Variants in DIXDC1 observed in about 807,000 individuals in gnomAD.
The protein encoded by DIXDC1 is dixin.
A neutral mutation model predicts 103.1 loss-of-function variants in DIXDC1; 64 were observed. That is an observed-to-expected ratio of 0.62 (90% CI 0.51 to 0.76). The LOEUF is 0.76. DIXDC1 is among the 30% of genes least tolerant of loss of function. The pLI, the probability that DIXDC1 is intolerant of heterozygous loss-of-function variation, is 0.00. For synonymous variants in DIXDC1, 266 were observed against 298.5 expected, an observed-to-expected ratio of 0.89 and a Z score of 1.12; for missense variants, 759 against 834.2, an observed-to-expected ratio of 0.91 and a Z score of 1.11.
chr11:111,997,710 C>CT (rs200195202), intron 17 of DIXDC1, among the ~76,000 whole-genome samples: 1,582 of 152,128 alleles, frequency 0.01, 24 homozygotes, highest in African/African-American at 0.035. Context: ...TTAGAAATTT[C>CT]TTTTTTAAGT....
chr11:111,981,302 C>G (rs1159751906), intron 6 of DIXDC1, among the ~76,000 whole-genome samples: 1 of 152,168 alleles, frequency 6.6e-6, no homozygotes, highest in African/African-American at 2.4e-5. Context: ...ACAGAAAGGA[C>G]CACAAAGAGT....
intron 17 of DIXDC1, among the ~76,000 whole-genome samples, chr11:112,004,390 G>A (rs1318181864): frequency 3.3e-5 from 5 of 151,972 alleles, no homozygotes; most frequent in East Asian, 1.9e-4. Context: ...TGACCCCTCC[G>A]TCCCTGCTCT....
Position 111,986,929 on chromosome 11 carries a change from G to A in DIXDC1, c.1062+5G>A. 1.3e-6 allele frequency: 2 copies of A among 1,568,844 alleles called. No homozygotes were observed. Among genetic ancestry groups the A allele is most frequent in the Non-Finnish European group, 1.7e-6 (2 of 1,155,292 alleles). On this transcript the variant is annotated splice_donor_5th_base_variant and intron_variant, in intron 9 of 19. Transcript: ENST00000440460. The stretch of plus-strand genomic sequence containing the variant: ...GAGGAGAATCAGGACTTAAAGGTAT[G>A]TCAAGACATGTACATTTTACCCCTT...
intron 17 of DIXDC1, among the ~76,000 whole-genome samples, chr11:111,999,644 C>G (rs1453759031): frequency 6.6e-6 from 1 of 152,118 alleles, no homozygotes; most frequent in Non-Finnish European, 1.5e-5. Flanking sequence ...GTGGGTGTAT[C>G]ACCTGAGGTT....
At chr11:111,950,439 T>TA (rs61541869) in intron 1 of DIXDC1, among the ~76,000 whole-genome samples, 67 of 9,344 alleles carry the variant, frequency 7.2e-3, no homozygotes, top group African/African-American at 9.0e-3. Flanking sequence ...TATATATATA[T>TA]TTTTTTTTTT....
intron 3 of DIXDC1, among the ~76,000 whole-genome samples, chr11:111,970,947 T>C (rs1410143360): frequency 6.6e-6 from 1 of 152,180 alleles, no homozygotes; most frequent in African/African-American, 2.4e-5. Context: ...ACTAGATCCC[T>C]GTCTATCACC....
At chr11:111,999,725 C>T (rs1279138504) in intron 17 of DIXDC1, among the ~76,000 whole-genome samples, 1 of 150,500 alleles carries the variant, frequency 6.6e-6, no homozygotes, top group Non-Finnish European at 1.5e-5. Context: ...ATTAGGTGGG[C>T]GTGATAGTGG....
intron 17 of DIXDC1, among the ~76,000 whole-genome samples, chr11:112,013,338 G>T (rs1176266490): frequency 1.8e-4 from 24 of 133,606 alleles, no homozygotes; most frequent in South Asian, 2.9e-4. Flanking sequence ...GGGGTGGGGG[G>T]GGGGAACAAA....
In DIXDC1 at chr11:111,958,746, G is replaced by A. The variant is rs1311070210; in HGVS notation, c.61-5803G>A. On this transcript the variant is annotated intron_variant, in intron 1 of 19. Transcript: ENST00000440460. The surrounding 1 kb of genome is among the most constrained non-coding windows in gnomAD (Gnocchi z 4.2). ...GCAGACCGGAGTGGGAATTTATGGT[G>A]TTTTTTCCAGGCCTACCCATGGCCA... 6.6e-6 allele frequency among the ~76,000 whole-genome samples: 1 copy of A among 152,168 alleles called. No individual in the cohort carries two copies. The highest frequency in any genetic ancestry group is 2.1e-4 in the South Asian group (1 of 4,832).
chr11:111,995,432 T>C lies in DIXDC1; in HGVS notation c.1557T>C (p.Ala519=), dbSNP rs1289313316. Residue 519 remains alanine, a synonymous_variant, in exon 16 of 20, where the codon GCT becomes GCC. Transcript: ENST00000440460. The stretch of plus-strand genomic sequence containing the variant: ...GCGACCTGCAGCTTGTTCGAGATGC[T>C]CTCCGCAGCCTGCGCAACAGCTTCA... ...GTSDLQLVRD[A]LRSLRNSFSG... 22 of 1,613,208 alleles carry C rather than the reference T, an allele frequency of 1.4e-5. 1 individual carries two copies. In the African/African-American group the frequency reaches 2.4e-4, roughly 18 times the overall value.
chr11:111,929,610 A>G (rs1004335234), intron 1 of DIXDC1, among the ~76,000 whole-genome samples: 6 of 151,028 alleles, frequency 4.0e-5, no homozygotes, highest in African/African-American at 1.5e-4. Context: ...AAAAAAGTAA[A>G]TTTTAAAATG....
In DIXDC1 at chr11:111,995,094, G is replaced by T. The variant is rs781973047; in HGVS notation, c.1513G>T (p.Val505Phe). Residue 505 changes from valine to phenylalanine, a missense_variant, in exon 15 of 20, where the codon GTC (valine) becomes TTC (phenylalanine). Physicochemically the swap from Val to Phe is conservative, Grantham distance 50. This residue lies in a region of DIXDC1 where 657 missense variants were observed against 727.5 expected (regional missense o/e 0.90). Transcript: ENST00000440460. ...LPTAGKGATS[V>F]SNRGTSDLQL... ...AACGGCAGGAAAAGGAGCTACTTCA[G>T]TCAGCAACAGAGGGGTACGTACCTG... is the stretch of plus-strand genomic sequence containing the variant. 6.2e-7 allele frequency: 1 copy of T among 1,613,664 alleles called. No individual in the cohort carries two copies. Among genetic ancestry groups the T allele is most frequent in the East Asian group, 2.2e-5 (1 of 44,888 alleles).
chr11:111,952,893 G>A (rs1480354440), intron 1 of DIXDC1, among the ~76,000 whole-genome samples: 1 of 152,026 alleles, frequency 6.6e-6, no homozygotes, highest in East Asian at 1.9e-4. Context: ...TGGAGGATGG[G>A]ACTAGAGGAT....
upstream of DIXDC1, among the ~76,000 whole-genome samples, chr11:111,935,082 A>C (rs1555168001): frequency 6.6e-6 from 1 of 152,210 alleles, no homozygotes; most frequent in Non-Finnish European, 1.5e-5. Flanking sequence ...ATAGACTTTT[A>C]GGGAATAGTG....
chr11:111,982,215 C>T (rs1435337041), intron 6 of DIXDC1, 124 bp from the exon 7 acceptor site: 1 of 1,061,786 alleles, frequency 9.4e-7, no homozygotes, highest in Non-Finnish European at 1.3e-6. Flanking sequence ...AGAGTCCAGT[C>T]TGTGCTATGA....
In DIXDC1 at chr11:111,989,049, G is replaced by A. The variant is rs149901747; in HGVS notation, c.1107G>A (p.Gly369=). ...KCKQEARNLQ[G]IKDALQQRLT... ...AACAAGAAGCCAGAAACTTACAGGG[G>A]ATAAAGGTAAAAAAGAAGACATTTA... Residue 369 remains glycine (G), a synonymous_variant, in exon 10 of 20, where the codon GGG becomes GGA. Transcript: ENST00000440460. 5.0e-6 allele frequency: 8 copies of A among 1,606,456 alleles called. No homozygotes were observed. The African/African-American group carries it at 9.4e-5, about 19-fold the overall frequency.
Position 111,968,493 on chromosome 11 carries a change from T to C in DIXDC1, c.191-20T>C, listed in dbSNP as rs375997449. On this transcript the variant is annotated intron_variant, in intron 2 of 19. Transcript: ENST00000440460. Reference sequence around the variant, plus strand: ...TAATATTCCTCCCTATAACTTCCTATATTTTCTCTCTCCTAACAGCAGGAG... The same window carrying C: ...TAATATTCCTCCCTATAACTTCCTACATTTTCTCTCTCCTAACAGCAGGAG... The C allele has an allele frequency of 1.7e-5, 28 of 1,609,598 alleles. No homozygotes were observed. The African/African-American group carries it at 3.6e-4, about 21-fold the overall frequency.
At chr11:112,006,947 C>T (rs188259970) in intron 17 of DIXDC1, among the ~76,000 whole-genome samples, 4 of 152,254 alleles carry the variant, frequency 2.6e-5, no homozygotes, top group Admixed American at 6.5e-5. Flanking sequence ...CAAAGTTGGA[C>T]GGAGAATGAC....
intron 17 of DIXDC1, among the ~76,000 whole-genome samples, chr11:112,007,994 A>T (rs183583926): frequency 6.6e-6 from 1 of 152,186 alleles, no homozygotes; most frequent in Middle Eastern, 3.2e-3. Flanking sequence ...AAATGCCCCA[A>T]TGAAAAGTGA....
Sources: gnomAD v4.1 joint callset for allele counts (sites outside exome capture counted in the v4.1 genomes callset) on GRCh38, gnomAD v4.1.1 for gene constraint, gnomAD v4.1.1 regional missense constraint, Gnocchi (gnomAD v3.1) non-coding constraint, MANE v1.5 for transcripts, NCBI Gene and HGNC (gene_info 2026-07-23, HGNC 2026-07-21) for gene names.